Variants in CHORDC1 observed in about 807,000 individuals in gnomAD.
The protein encoded by CHORDC1 is cysteine and histidine rich domain containing 1.
Under a neutral mutation model 48.3 loss-of-function variants are expected in CHORDC1, and 25 were observed. The observed-to-expected ratio is 0.52, with a 90% CI of 0.38 to 0.72. The LOEUF (loss-of-function observed/expected upper bound fraction) is 0.72. Ranked by LOEUF, CHORDC1 falls within the 30% of genes least tolerant of loss-of-function variation. The probability of loss-of-function intolerance (pLI) is 0.00; values close to 1 mark genes in which losing one functional copy is unlikely to be tolerated. For synonymous variants in CHORDC1, 128 were observed against 126.4 expected, an observed-to-expected ratio of 1.01 and a Z score of -0.09; for missense variants, 317 against 388.7, an observed-to-expected ratio of 0.82 and a Z score of 1.55.
At chr11:90,206,801 G>A (rs1199741781) in intron 6 of CHORDC1, 2 of 1,284,918 alleles carry the variant, frequency 1.6e-6, no homozygotes, top group South Asian at 1.2e-5. Flanking sequence ...TGCTGCTGTA[G>A]ATGGAGGCTC....
rs1300824146 is a variant in CHORDC1 at position 90,201,433 on chromosome 11, TAAAAAA to T, written c.*966_*971del. The T allele has an allele frequency of 1.3e-5, 2 of 150,892 alleles. No individual in the cohort carries two copies. Among genetic ancestry groups the T allele is most frequent in the Non-Finnish European group, 3.0e-5 (2 of 67,576 alleles). The allele number at this position is 150,892 out of a possible 1,614,324, so 9.3% of individuals were successfully genotyped here. On this transcript the variant is annotated 3_prime_UTR_variant, in exon 11 of 11. Coordinates refer to ENST00000320585, the MANE Select transcript of CHORDC1 (RefSeq NM_012124.3). ...AGAATTGTGAAGCTCTTCATGACTTTAAAAAAAAACTCCAAAACAATTAAGCTATTT... is the reference window on the plus strand; with the variant it reads ...AGAATTGTGAAGCTCTTCATGACTTTAAACTCCAAAACAATTAAGCTATTT...
At chr11:90,210,647 T>A in intron 5 of CHORDC1, 53 bp from the exon 6 acceptor site, 1 of 1,160,278 alleles carries the variant, frequency 8.6e-7, no homozygotes, top group Non-Finnish European at 1.3e-6. Flanking sequence ...AACTTCGCTG[T>A]GGCATCATTC....
intron 6 of CHORDC1, among the ~76,000 whole-genome samples, chr11:90,209,810 C>A (rs1019783991): frequency 6.6e-6 from 1 of 152,196 alleles, no homozygotes; most frequent in Non-Finnish European, 1.5e-5. Context: ...TCCAATTCCA[C>A]TCCTGCTGCA....
At chr11:90,219,506 C>A (rs1858108877) in intron 1 of CHORDC1, among the ~76,000 whole-genome samples, 1 of 152,192 alleles carries the variant, frequency 6.6e-6, no homozygotes. Context: ...GATGCCCAGG[C>A]TAGAAGGTTG....
chr11:90,211,624 T>C, intron 4 of CHORDC1: 1 of 251,940 alleles, frequency 4.0e-6, no homozygotes, highest in Non-Finnish European at 7.6e-6. Flanking sequence ...GTTTTCAAGA[T>C]GAGTAATGCT....
chr11:90,205,647 T>G, intron 7 of CHORDC1, 82 bp from the exon 8 acceptor site: 1 of 857,126 alleles, frequency 1.2e-6, no homozygotes, highest in Non-Finnish European at 1.9e-6. Context: ...TAAATCTGAT[T>G]TTTAATAAGC....
Position 90,202,139 on chromosome 11 carries a change from G to C in CHORDC1, c.*266C>G. 3.0e-6 allele frequency: 1 copy of C among 328,632 alleles called. No homozygotes were observed. The highest frequency in any genetic ancestry group is 5.1e-5 in the East Asian group (1 of 19,470). The allele number at this position is 328,632 out of a possible 1,614,324, so 20.4% of individuals were successfully genotyped here. ...AAGAAATACTGCAATTATGGTTATG[G>C]GCTACTTTCCAGCCTCTTCAAGTAT... On this transcript the variant is annotated 3_prime_UTR_variant, in exon 11 of 11. Coordinates refer to ENST00000320585, the MANE Select transcript of CHORDC1 (RefSeq NM_012124.3).
At chr11:90,210,245 A>G (rs1857822624) in intron 6 of CHORDC1, among the ~76,000 whole-genome samples, 1 of 152,210 alleles carries the variant, frequency 6.6e-6, no homozygotes, top group Non-Finnish European at 1.5e-5. Context: ...TATCAGCTCC[A>G]TAAGAAAAGA....
At position 90,215,250 on chromosome 11, in the gene CHORDC1, G is replaced by A. The variant is rs372485501; in HGVS notation, c.115-20C>T. 91 of 1,514,418 alleles carry A rather than the reference G, an allele frequency of 6.0e-5. No homozygotes were observed. Among genetic ancestry groups the A allele is most frequent in the Non-Finnish European group, 7.4e-5 (83 of 1,121,066 alleles). 93.8% of individuals were successfully genotyped at this position (1,514,418 alleles called of 1,614,324 possible). On this transcript the variant is annotated intron_variant, in intron 2 of 10. Coordinates refer to ENST00000320585, the MANE Select transcript of CHORDC1 (RefSeq NM_012124.3). ...CCAACCCTATGAAAAACAAGAGAAG[G>A]AAACTAAAAACTCTATTTGCATGAG...
intron 2 of CHORDC1, chr11:90,216,606 A>G: frequency 2.4e-6 from 1 of 413,894 alleles, no homozygotes; most frequent in Non-Finnish European, 4.7e-6. Context: ...CAACTGCAAA[A>G]GAGAGAGAAG....
intron 1 of CHORDC1, among the ~76,000 whole-genome samples, chr11:90,221,267 T>C (rs1025802909): frequency 6.6e-6 from 1 of 152,232 alleles, no homozygotes; most frequent in African/African-American, 2.4e-5. Flanking sequence ...ATTTAGTTCT[T>C]GTCTCCTACT....
chr11:90,217,148 A>C (rs1858033441), intron 2 of CHORDC1, among the ~76,000 whole-genome samples: 1 of 152,216 alleles, frequency 6.6e-6, no homozygotes, highest in Admixed American at 6.5e-5. Flanking sequence ...AACTAACCAG[A>C]CTAATACATC....
At chr11:90,219,900 T>C (rs1039108972) in intron 1 of CHORDC1, among the ~76,000 whole-genome samples, 1 of 152,222 alleles carries the variant, frequency 6.6e-6, no homozygotes, top group African/African-American at 2.4e-5. Flanking sequence ...GCAATCTGCT[T>C]AAAAGACTAT....
At chr11:90,221,358 C>T (rs1438534649) in intron 1 of CHORDC1, among the ~76,000 whole-genome samples, 6 of 152,162 alleles carry the variant, frequency 3.9e-5, no homozygotes, top group Admixed American at 2.0e-4. Flanking sequence ...AAAAAACCGT[C>T]ATTTCGCTAA....
At chr11:90,218,681 C>T (rs1858080469) in intron 1 of CHORDC1, among the ~76,000 whole-genome samples, 1 of 152,174 alleles carries the variant, frequency 6.6e-6, no homozygotes, top group African/African-American at 2.4e-5. Context: ...CTTTCCTAGA[C>T]ACAGTCATTC....
chr11:90,221,310 T>G (rs546454263), intron 1 of CHORDC1, among the ~76,000 whole-genome samples: 1 of 152,158 alleles, frequency 6.6e-6, no homozygotes, highest in East Asian at 1.9e-4. Flanking sequence ...TTCCATTCAC[T>G]CAATCAGTTT....
At chr11:90,209,501 C>G (rs912695615) in intron 6 of CHORDC1, 2 of 151,820 alleles carry the variant, frequency 1.3e-5, no homozygotes, top group Admixed American at 1.3e-4. Context: ...CAAGATACAA[C>G]AAAGAAAAAA....
intron 2 of CHORDC1, 49 bp from the exon 3 acceptor site, chr11:90,215,279 C>T: frequency 7.8e-7 from 1 of 1,277,532 alleles, no homozygotes; most frequent in East Asian, 2.6e-5. Context: ...GCATGAGAAA[C>T]ACGACCCACT....
intron 6 of CHORDC1, chr11:90,208,450 GCATT>G: frequency 6.6e-6 from 1 of 151,982 alleles, no homozygotes; most frequent in Middle Eastern, 3.4e-3. Context: ...GTTCATAATA[GCATT>G]ATTAAAAACA....
Sources: gnomAD v4.1 joint callset for allele counts (sites outside exome capture counted in the v4.1 genomes callset) on GRCh38, gnomAD v4.1.1 for gene constraint, MANE v1.5 for transcripts, NCBI Gene and HGNC (gene_info 2026-07-23, HGNC 2026-07-21) for gene names.